The following ESRRG variants were observed in gnomAD, a reference collection of about 807,000 sequenced individuals.
ESRRG encodes estrogen-related receptor gamma.
Under a neutral mutation model 44.0 loss-of-function variants are expected in ESRRG, and 13 were observed. The ratio of observed to expected loss-of-function variants is 0.30; its 90% CI spans 0.19 to 0.47. The LOEUF is 0.47. Ranked by LOEUF, ESRRG falls within the 20% of genes least tolerant of loss-of-function variation. The pLI, the probability that ESRRG is intolerant of heterozygous loss-of-function variation, is 1.00. For synonymous variants in ESRRG, 215 were observed against 214.6 expected (o/e 1.00, Z -0.02); for missense variants, 395 against 580.6 (o/e 0.68, Z 3.29).
chr1:217,115,916 G>A (rs892773370), intron 1 of ESRRG, among the ~76,000 whole-genome samples: 1 of 152,056 alleles, frequency 6.6e-6, no homozygotes, highest in Non-Finnish European at 1.5e-5. Flanking sequence ...TTCCTGATAC[G>A]TAATAGCTGC....
chr1:216,933,149 G>T (rs1387465338), intron 2 of ESRRG, among the ~76,000 whole-genome samples: 1 of 152,062 alleles, frequency 6.6e-6, no homozygotes, highest in Admixed American at 6.6e-5. Context: ...CTTAAAAAGT[G>T]TGCAACATAT....
chr1:216,542,454 G>A (rs1176718754), intron 5 of ESRRG, among the ~76,000 whole-genome samples: 2 of 151,948 alleles, frequency 1.3e-5, no homozygotes, highest in African/African-American at 4.8e-5. Flanking sequence ...AGCAGCAGTG[G>A]ATGATGCATC....
At chr1:217,079,517 A>C (rs1663121766) in intron 1 of ESRRG, among the ~76,000 whole-genome samples, 1 of 152,188 alleles carries the variant, frequency 6.6e-6, no homozygotes, top group East Asian at 1.9e-4. Context: ...ATTCCCTTAC[A>C]TCTGAGAGTC....
chr1:217,128,236 C>T (rs990011037), intron 1 of ESRRG, among the ~76,000 whole-genome samples: 6 of 152,190 alleles, frequency 3.9e-5, no homozygotes, highest in South Asian at 2.1e-4. Flanking sequence ...CCACTGCATT[C>T]GTTGTTTTCA....
intron 2 of ESRRG, among the ~76,000 whole-genome samples, chr1:216,918,003 A>T (rs1560106006): frequency 6.6e-6 from 1 of 152,128 alleles, no homozygotes; most frequent in Non-Finnish European, 1.5e-5. Flanking sequence ...TCTCTGATTC[A>T]TTTTTACCCA....
intron 1 of ESRRG, among the ~76,000 whole-genome samples, chr1:217,097,642 A>G (rs959589987): frequency 2.0e-5 from 3 of 152,180 alleles, no homozygotes; most frequent in African/African-American, 4.8e-5. Context: ...ATATTTAAGT[A>G]TCGGGGTTAT....
intron 1 of ESRRG, among the ~76,000 whole-genome samples, chr1:216,677,939 A>ACCTTTCCTTCCTCATTCTG (rs2076389477): frequency 6.6e-6 from 1 of 152,182 alleles, no homozygotes; most frequent in East Asian, 1.9e-4. Context: ...TCCTCATTCT[A>ACCTTTCCTTCCTCATTCTG]CCTTTCCTTC....
At chr1:216,665,975 A>G (rs1270975511) in intron 2 of ESRRG, among the ~76,000 whole-genome samples, 1 of 152,198 alleles carries the variant, frequency 6.6e-6, no homozygotes, top group African/African-American at 2.4e-5. Flanking sequence ...ATCTAGTAGT[A>G]TATCAGGAAA....
At chr1:217,088,291 G>A (rs2092208871) in intron 1 of ESRRG, among the ~76,000 whole-genome samples, 1 of 151,186 alleles carries the variant, frequency 6.6e-6, no homozygotes, top group South Asian at 2.1e-4. Context: ...CAGGTCTCTT[G>A]ATCTTGACTT....
At chr1:216,801,451 T>G (rs935981106) in intron 2 of ESRRG, among the ~76,000 whole-genome samples, 1 of 152,182 alleles carries the variant, frequency 6.6e-6, no homozygotes, top group African/African-American at 2.4e-5. Flanking sequence ...TGTTAACCAC[T>G]GTCTTATTCT....
chr1:217,006,692 A>G (rs1208763069), intron 1 of ESRRG, among the ~76,000 whole-genome samples: 1 of 152,140 alleles, frequency 6.6e-6, no homozygotes, highest in Non-Finnish European at 1.5e-5. Flanking sequence ...TGCACGGCCT[A>G]AAGGTAATTT....
intron 2 of ESRRG, among the ~76,000 whole-genome samples, chr1:216,934,949 C>T (rs1294508343): frequency 6.6e-6 from 1 of 152,112 alleles, no homozygotes; most frequent in Non-Finnish European, 1.5e-5. Context: ...GTAGTAAGCA[C>T]TCAGTAATTA....
At chr1:217,091,156 G>C (rs956303285), upstream of ESRRG, among the ~76,000 whole-genome samples, 1 of 152,160 alleles carries the variant, frequency 6.6e-6, no homozygotes, top group African/African-American at 2.4e-5. Context: ...TATCCATTTG[G>C]AGTAACAACA....
At chr1:216,879,595 A>G (rs1426172839) in intron 2 of ESRRG, among the ~76,000 whole-genome samples, 1 of 151,756 alleles carries the variant, frequency 6.6e-6, no homozygotes, top group East Asian at 1.9e-4. Context: ...GAGGATCTCT[A>G]TTTTGCTGTT....
At chr1:216,800,231 T>G (rs1215460885) in intron 2 of ESRRG, among the ~76,000 whole-genome samples, 1 of 152,132 alleles carries the variant, frequency 6.6e-6, no homozygotes. Flanking sequence ...CCCCAGCACA[T>G]TGATGATATG....
chr1:216,994,621 G>A (rs184512098), intron 1 of ESRRG, among the ~76,000 whole-genome samples: 83 of 151,994 alleles, frequency 5.5e-4, no homozygotes, highest in African/African-American at 1.9e-3. Context: ...TCTCTGTATC[G>A]CCCAGGCTGG....
chr1:216,704,795 A>C (rs1384731593), intron 1 of ESRRG, among the ~76,000 whole-genome samples: 1 of 149,742 alleles, frequency 6.7e-6, no homozygotes, highest in Non-Finnish European at 1.5e-5. Flanking sequence ...TTTAAATAAA[A>C]CCCCCTACCC....
At chr1:217,022,877 G>A (rs1464785163) in intron 1 of ESRRG, among the ~76,000 whole-genome samples, 1 of 152,126 alleles carries the variant, frequency 6.6e-6, no homozygotes, top group Non-Finnish European at 1.5e-5. Context: ...GGAAGGCAGG[G>A]AGGATGGATG....
chr1:216,687,283 C>T (rs896437243), intron 1 of ESRRG, among the ~76,000 whole-genome samples: 6 of 151,800 alleles, frequency 4.0e-5, no homozygotes, highest in Admixed American at 2.6e-4. Context: ...TGGTGGGAGG[C>T]GTTGGCGGAA....
Sources: gnomAD v4.1 joint callset for allele counts (sites outside exome capture counted in the v4.1 genomes callset) on GRCh38, gnomAD v4.1.1 for gene constraint, MANE v1.5 for transcripts, NCBI Gene and HGNC (gene_info 2026-07-23, HGNC 2026-07-21) for gene names.